Variants in HFM1 observed in about 807,000 individuals in gnomAD.
The protein encoded by HFM1 is probable ATP-dependent DNA helicase HFM1.
In HFM1, 169 loss-of-function variants were observed where a neutral mutation model predicts 192.1. The observed-to-expected ratio is 0.88, with a 90% CI of 0.78 to 1.00. The LOEUF is 1.00. HFM1 is among the 50% of genes least tolerant of loss of function. The pLI is 0.00. For synonymous variants in HFM1, 525 were observed against 537.8 expected (o/e 0.98, Z 0.33); for missense variants, 1,661 against 1,668.0 (o/e 1.00, Z 0.07).
At position 91,391,054 on chromosome 1, in the gene HFM1, G is replaced by A. The variant is rs565409767; in HGVS notation, c.494+3039C>T. ...GAATCCAACTTACAAGGGATGTGAA[G>A]GACCTCTTCAAGGAGAACTACAAAC... is the stretch of plus-strand genomic sequence containing the variant. On this transcript the variant is annotated intron_variant, in intron 4 of 38. Coordinates refer to ENST00000370425, the MANE Select transcript of HFM1 (RefSeq NM_001017975.6). Among the ~76,000 whole-genome samples the A allele has an allele frequency of 2.0e-3, 297 of 152,198 alleles. 1 individual carries two copies. The highest frequency in any genetic ancestry group is 7.1e-3 in the African/African-American group (293 of 41,518).
intron 6 of HFM1, among the ~76,000 whole-genome samples, chr1:91,384,611 G>A (rs1347778767): frequency 6.6e-6 from 1 of 152,140 alleles, no homozygotes; most frequent in Non-Finnish European, 1.5e-5. Flanking sequence ...CTATTTGTAA[G>A]TAAATATGCT....
chr1:91,364,699 C>G (rs1397456534), intron 13 of HFM1, among the ~76,000 whole-genome samples: 1 of 137,930 alleles, frequency 7.3e-6, no homozygotes, highest in East Asian at 2.2e-4. Flanking sequence ...GTGGCACGAT[C>G]TCAGCTTACT....
intron 13 of HFM1, among the ~76,000 whole-genome samples, chr1:91,359,998 G>T (rs1010861454): frequency 3.9e-5 from 6 of 152,108 alleles, no homozygotes; most frequent in African/African-American, 1.2e-4. Context: ...TTCTGACCCA[G>T]AATTTCCTAT....
At chr1:91,310,764 G>A (rs187171176) in intron 30 of HFM1, among the ~76,000 whole-genome samples, 5 of 152,284 alleles carry the variant, frequency 3.3e-5, no homozygotes, top group East Asian at 1.9e-4. Context: ...TCTTGCCGCC[G>A]CCATGTAAGA....
At chr1:91,383,544 G>A (rs1661807176) in intron 6 of HFM1, among the ~76,000 whole-genome samples, 1 of 152,012 alleles carries the variant, frequency 6.6e-6, no homozygotes, top group Non-Finnish European at 1.5e-5. Flanking sequence ...GAGAAGTCAG[G>A]CAAGTATTTT....
At chr1:91,367,176 T>TG (rs1659456101) in intron 13 of HFM1, among the ~76,000 whole-genome samples, 1 of 152,188 alleles carries the variant, frequency 6.6e-6, no homozygotes, top group African/African-American at 2.4e-5. Context: ...ACTCCACCTC[T>TG]GGGGGCAGGG....
At chr1:91,405,349 G>A (rs760738044), upstream of HFM1, among the ~76,000 whole-genome samples, 90 of 152,326 alleles carry the variant, frequency 5.9e-4, no homozygotes, top group Non-Finnish European at 1.1e-3. Context: ...TTCTTAGGCT[G>A]TAAACATGAA....
intron 30 of HFM1, among the ~76,000 whole-genome samples, chr1:91,279,732 C>T (rs1455009235): frequency 6.6e-6 from 1 of 152,156 alleles, no homozygotes; most frequent in African/African-American, 2.4e-5. Context: ...TGCCTACCAA[C>T]CTTCAAGTCT....
At chr1:91,267,720 G>T in intron 35 of HFM1, 25 bp downstream of exon 35, 1 of 999,602 alleles carries the variant, frequency 1.0e-6, no homozygotes, top group Non-Finnish European at 1.5e-6. Context: ...CTAATGAAAT[G>T]ATTGCATGCT....
chr1:91,356,230 T>C (rs1480675411), intron 13 of HFM1, among the ~76,000 whole-genome samples: 1 of 151,608 alleles, frequency 6.6e-6, no homozygotes, highest in Non-Finnish European at 1.5e-5. Context: ...GCAGCAAAAG[T>C]GGTTCTAAGA....
intron 36 of HFM1, among the ~76,000 whole-genome samples, chr1:91,264,957 A>G (rs897399694): frequency 6.6e-6 from 1 of 152,134 alleles, no homozygotes; most frequent in Non-Finnish European, 1.5e-5. Context: ...CTCAACTATC[A>G]TATCCTATCA....
At chr1:91,313,560 T>A in intron 29 of HFM1, 65 bp from the exon 30 acceptor site, 1 of 1,074,984 alleles carries the variant, frequency 9.3e-7, no homozygotes, top group Non-Finnish European at 1.3e-6. Context: ...TGAGAACACT[T>A]ATTTCTTTTT....
intron 13 of HFM1, among the ~76,000 whole-genome samples, chr1:91,361,759 C>T (rs1409833587): frequency 6.6e-6 from 1 of 152,052 alleles, no homozygotes; most frequent in African/African-American, 2.4e-5. Context: ...AAAAGGAAAA[C>T]GTCAGGCCAA....
intron 13 of HFM1, among the ~76,000 whole-genome samples, chr1:91,356,379 G>A (rs984397494): frequency 3.3e-5 from 5 of 151,982 alleles, no homozygotes; most frequent in Admixed American, 2.6e-4. Flanking sequence ...GAGTAGCTGG[G>A]ATTACAGGCA....
intron 23 of HFM1, 150 bp downstream of exon 23, chr1:91,322,800 T>C (rs1420520060): frequency 2.2e-6 from 1 of 459,244 alleles, no homozygotes; most frequent in Non-Finnish European, 3.8e-6. Flanking sequence ...TCACAAATCA[T>C]CAATTTTAAA....
intron 20 of HFM1, among the ~76,000 whole-genome samples, chr1:91,332,885 C>A (rs1654035596): frequency 6.6e-6 from 1 of 152,082 alleles, no homozygotes; most frequent in African/African-American, 2.4e-5. Context: ...AAATGCAAAT[C>A]AAAAGTACAA....
At chr1:91,369,495 TG>T (rs1406531776) in intron 13 of HFM1, among the ~76,000 whole-genome samples, 1 of 152,124 alleles carries the variant, frequency 6.6e-6, no homozygotes, top group African/African-American at 2.4e-5. Flanking sequence ...GAATGACTAC[TG>T]GGTACATAAT....
chr1:91,266,199 T>A, intron 35 of HFM1, 92 bp from the exon 36 acceptor site: 1 of 940,092 alleles, frequency 1.1e-6, no homozygotes, highest in Non-Finnish European at 1.6e-6. Flanking sequence ...CCAACAGATA[T>A]GATCTGATTA....
At chr1:91,306,240 G>A (rs957704216) in intron 30 of HFM1, among the ~76,000 whole-genome samples, 1 of 152,144 alleles carries the variant, frequency 6.6e-6, no homozygotes, top group African/African-American at 2.4e-5. Context: ...GCTGAGACAG[G>A]AGAATAGCTT....
Sources: gnomAD v4.1 joint callset for allele counts (sites outside exome capture counted in the v4.1 genomes callset) on GRCh38, gnomAD v4.1.1 for gene constraint, MANE v1.5 for transcripts, NCBI Gene and HGNC (gene_info 2026-07-23, HGNC 2026-07-21) for gene names.